Variants in RPL10L observed in about 807,000 individuals in gnomAD.
RPL10L encodes the protein ribosomal protein L10 like, also known as ribosomal protein uL16-like.
Under a neutral mutation model 10.2 loss-of-function variants are expected in RPL10L, and 11 were observed. That is an observed-to-expected ratio of 1.08 (90% CI 0.68 to 1.79). RPL10L has a LOEUF of 1.79. Among genes scored for constraint, RPL10L ranks in the 40% most tolerant of loss-of-function variants. The pLI is 0.00. For missense variants in RPL10L, 320 were observed against 289.8 expected, an observed-to-expected ratio of 1.10 and a Z score of -0.76; for synonymous variants, 120 against 101.7, an observed-to-expected ratio of 1.18 and a Z score of -1.08.
At position 46,651,496 on chromosome 14, in the gene RPL10L, C is replaced by T; in HGVS notation, c.241G>A (p.Gly81Ser). Residue 81 changes from glycine (G) to serine (S), a missense_variant, in exon 1 of 1, where the codon GGC (glycine) becomes AGC (serine). By Grantham distance (56) the Gly-to-Ser change is moderately conservative (BLOSUM62 0). Coordinates refer to ENST00000298283, the MANE Select transcript of RPL10L (RefSeq NM_080746.3). ...CANKYMVKSC[G>S]RDGFHMRVRL... Reference sequence around the variant, plus strand: ...ACTCGCATGTGAAAGCCATCTCTGCCACAACTTTTCACCATGTATTTGTTG... The same window carrying T: ...ACTCGCATGTGAAAGCCATCTCTGCTACAACTTTTCACCATGTATTTGTTG... The T allele has an allele frequency of 6.2e-7, 1 of 1,614,190 alleles. No homozygotes were observed. Among genetic ancestry groups the T allele is most frequent in the Non-Finnish European group, 8.5e-7 (1 of 1,180,032 alleles).
At position 46,651,747 on chromosome 14, in the gene RPL10L, T is replaced by C. The variant is rs189866041; in HGVS notation, c.-11A>G. The C allele has an allele frequency of 4.8e-4, 782 of 1,614,116 alleles. No individual in the cohort carries two copies. Among genetic ancestry groups the C allele is most frequent in the South Asian group, 8.1e-4 (74 of 91,082 alleles). On this transcript the variant is annotated 5_prime_UTR_variant, in exon 1 of 1. Transcript: ENST00000298283. ...TGGACGGCGCCCCATGGCGACACAG[T>C]AACGTCGGCGGTGCCTCGAAGTCAA...
Position 46,651,396 on chromosome 14 carries a change from CCT to C in RPL10L, c.339_340del (p.Gly114TyrfsTer36). The C allele has an allele frequency of 6.2e-7, 1 of 1,614,166 alleles. No individual in the cohort carries two copies. The highest frequency in any genetic ancestry group is 1.3e-5 in the African/African-American group (1 of 75,048). ...GGGTTTTCCAAAGGCACCTCGCATA[CCT>C]GTCTGGAGCCTGTCAGCCCCAGCAC... On this transcript the variant is annotated frameshift_variant, in exon 1 of 1. Transcript: ENST00000298283. LOFTEE classifies it high-confidence loss of function.
chr14:46,651,606 T>A lies in RPL10L; in HGVS notation c.131A>T (p.Asp44Val), dbSNP rs1200116910. The part of the protein sequence containing the change: ...FDLGRKKAKV[D>V]EFPLGGHMVS... ...CATGTGGCCACCGAGTGGGAACTCATCCACTTTTGCCTTCTTTCTACCCAG... is the reference window on the plus strand; with the variant it reads ...CATGTGGCCACCGAGTGGGAACTCAACCACTTTTGCCTTCTTTCTACCCAG... Residue 44 changes from aspartate to valine, a missense_variant, in exon 1 of 1, where the codon GAT becomes GTT. Physicochemically the swap from Asp to Val is radical, Grantham distance 152 (BLOSUM62 -3). Coordinates refer to ENST00000298283, the MANE Select transcript of RPL10L (RefSeq NM_080746.3). The A allele has an allele frequency of 8.7e-6, 14 of 1,614,026 alleles. No individual in the cohort carries two copies. The highest frequency in any genetic ancestry group is 1.3e-5 in the African/African-American group (1 of 74,918).
rs1883877877 is a variant in RPL10L at position 46,651,373 on chromosome 14, G to T, written c.364C>A (p.Pro122Thr). 6.2e-7 allele frequency: 1 copy of T among 1,614,126 alleles called. No homozygotes were observed. Among genetic ancestry groups the T allele is most frequent in the Middle Eastern group, 1.7e-4 (1 of 6,052 alleles). ...QTGMRGAFGK[P>T]QGTVARVHIG... is the part of the protein sequence containing the mutation. Reference sequence around the variant, plus strand: ...TGGACCCGGGCTACAGTACCCTGGGGTTTTCCAAAGGCACCTCGCATACCT... The same window carrying T: ...TGGACCCGGGCTACAGTACCCTGGGTTTTTCCAAAGGCACCTCGCATACCT... The change falls in exon 1 of 1, where the codon CCC becomes ACC. Residue 122 changes from proline (P) to threonine (T), a missense_variant. Transcript: ENST00000298283.
chr14:46,651,099 T>A lies in RPL10L; in HGVS notation c.638A>T (p.His213Leu). Residue 213 changes from histidine to leucine, a missense_variant, in exon 1 of 1, where the codon CAC becomes CTC. Transcript: ENST00000298283. ...ACAGTACTGCCAAAACCTTCATGAG[T>A]GCAGAACCCGCCACTTGTCCAAGGG... ...HGPLDKWRVL[H>L]S 1 of 1,613,566 alleles carries A rather than the reference T, an allele frequency of 6.2e-7. No homozygotes were observed. Among genetic ancestry groups the A allele is most frequent in the Non-Finnish European group, 8.5e-7 (1 of 1,179,668 alleles).
chr14:46,651,131 A>G lies in RPL10L; in HGVS notation c.606T>C (p.Ser202=). The change falls in exon 1 of 1, where the codon AGT becomes AGC. Residue 202 remains serine, a synonymous_variant. Coordinates refer to ENST00000298283, the MANE Select transcript of RPL10L (RefSeq NM_080746.3). ...CCCGCCACTTGTCCAAGGGGCCATG[A>G]CTGGGAACGTACTTGACTCCACAAC... The part of the protein sequence containing the change: ...PDGCGVKYVP[S]HGPLDKWRVL... 1 of 1,614,172 alleles carries G rather than the reference A, an allele frequency of 6.2e-7. No homozygotes were observed. Among genetic ancestry groups the G allele is most frequent in the South Asian group, 1.1e-5 (1 of 91,084 alleles).
At position 46,651,215 on chromosome 14, in the gene RPL10L, C is replaced by T; in HGVS notation, c.522G>A (p.Thr174=). The T allele has an allele frequency of 1.2e-6, 2 of 1,614,156 alleles. No individual in the cohort carries two copies. The highest frequency in any genetic ancestry group is 1.7e-6 in the Non-Finnish European group (2 of 1,180,026). Residue 174 remains threonine (T), a synonymous_variant, in exon 1 of 1, where the codon ACG becomes ACA. Transcript: ENST00000298283. ...CTTCAAATTCGTCAGCATTAAACTT[C>T]GTGAAGCCCCACTTCTTGGAGATAT... ...KIHISKKWGF[T]KFNADEFEDM...
chr14:46,651,130 G>A lies in RPL10L; in HGVS notation c.607C>T (p.His203Tyr), dbSNP rs748408115. The part of the protein sequence containing the change: ...DGCGVKYVPS[H>Y]GPLDKWRVLH... ...ACCCGCCACTTGTCCAAGGGGCCATGACTGGGAACGTACTTGACTCCACAA... is the reference window on the plus strand; with the variant it reads ...ACCCGCCACTTGTCCAAGGGGCCATAACTGGGAACGTACTTGACTCCACAA... The change falls in exon 1 of 1, where the codon CAT becomes TAT. Residue 203 changes from histidine (H) to tyrosine (Y), a missense_variant. Transcript: ENST00000298283. 4 of 1,614,154 alleles carry A rather than the reference G, an allele frequency of 2.5e-6. No individual in the cohort carries two copies. Among genetic ancestry groups the A allele is most frequent in the Non-Finnish European group, 3.4e-6 (4 of 1,180,018 alleles).
chr14:46,651,358 C>T lies in RPL10L; in HGVS notation c.379G>A (p.Ala127Thr). The change falls in exon 1 of 1, where the codon GCC (alanine) becomes ACC (threonine). Residue 127 changes from alanine (A) to threonine (T), a missense_variant. Transcript: ENST00000298283. ...ATGACTTGACCAATGTGGACCCGGG[C>T]TACAGTACCCTGGGGTTTTCCAAAG... ...GAFGKPQGTV[A>T]RVHIGQVIMS... is the part of the protein sequence containing the mutation. The T allele has an allele frequency of 1.2e-6, 2 of 1,614,122 alleles. No homozygotes were observed. Among genetic ancestry groups the T allele is most frequent in the South Asian group, 2.2e-5 (2 of 91,084 alleles).
Position 46,651,036 on chromosome 14 carries a change from A to G in RPL10L, c.*56T>C, listed in dbSNP as rs1883857669. 1.3e-6 allele frequency: 2 copies of G among 1,515,806 alleles called. No individual in the cohort carries two copies. Among genetic ancestry groups the G allele is most frequent in the Non-Finnish European group, 1.8e-6 (2 of 1,129,364 alleles). The allele number at this position is 1,515,806 out of a possible 1,614,324, so 93.9% of individuals were successfully genotyped here. A position where few individuals can be genotyped will look rare whatever the true frequency, so the allele number is the denominator to read the frequency against. ...TATTTTTTGCCAGTAAACAGAATTT[A>G]TTAGTAAGCATAAGTCAGACCAGCA... is the stretch of plus-strand genomic sequence containing the variant. On this transcript the variant is annotated 3_prime_UTR_variant, in exon 1 of 1. Coordinates refer to ENST00000298283, the MANE Select transcript of RPL10L (RefSeq NM_080746.3).
rs750325518 is a variant in RPL10L, at chr14:46,651,752, T to G, written c.-16A>C. 3 of 1,613,910 alleles carry G rather than the reference T, an allele frequency of 1.9e-6. No homozygotes were observed. The highest frequency in any genetic ancestry group is 2.5e-6 in the Non-Finnish European group (3 of 1,179,878). On this transcript the variant is annotated 5_prime_UTR_variant, in exon 1 of 1. Coordinates refer to ENST00000298283, the MANE Select transcript of RPL10L (RefSeq NM_080746.3). ...GGCGCCCCATGGCGACACAGTAACGTCGGCGGTGCCTCGAAGTCAAAATGC... is the reference window on the plus strand; with the variant it reads ...GGCGCCCCATGGCGACACAGTAACGGCGGCGGTGCCTCGAAGTCAAAATGC...
Position 46,651,041 on chromosome 14 carries a change from TAAG to T in RPL10L, c.*48_*50del, listed in dbSNP as rs1450418619. 6.6e-7 allele frequency: 1 copy of T among 1,517,084 alleles called. No homozygotes were observed. Among genetic ancestry groups the T allele is most frequent in the South Asian group, 1.3e-5 (1 of 74,240 alleles). The allele number at this position is 1,517,084 out of a possible 1,614,324, so 94.0% of individuals were successfully genotyped here. ...TTTGCCAGTAAACAGAATTTATTAG[TAAG>T]CATAAGTCAGACCAGCATGGCCCAA... On this transcript the variant is annotated 3_prime_UTR_variant, in exon 1 of 1. Transcript: ENST00000298283.
chr14:46,651,778 G>C lies in RPL10L; in HGVS notation c.-42C>G, dbSNP rs112520304. The C allele has an allele frequency of 6.8e-5, 109 of 1,612,036 alleles. No homozygotes were observed. The highest frequency in any genetic ancestry group is 8.8e-5 in the Non-Finnish European group (104 of 1,178,880). ...CGGCGGTGCCTCGAAGTCAAAATGC[G>C]CTCTCTTAACTACGCCTGCGCGCAT... On this transcript the variant is annotated 5_prime_UTR_variant, in exon 1 of 1. Coordinates refer to ENST00000298283, the MANE Select transcript of RPL10L (RefSeq NM_080746.3).
Position 46,651,254 on chromosome 14 carries a change from T to C in RPL10L, c.483A>G (p.Gly161=). ...ALRRAKFKFP[G]RQKIHISKKW... is the part of the protein sequence containing the mutation. ...TCTTGGAGATATGAATCTTCTGGCG[T>C]CCAGGGAACTTGAACTTGGCCCTGC... Residue 161 remains glycine (G), a synonymous_variant, in exon 1 of 1, where the codon GGA becomes GGG. Coordinates refer to ENST00000298283, the MANE Select transcript of RPL10L (RefSeq NM_080746.3). The C allele has an allele frequency of 6.2e-7, 1 of 1,614,198 alleles. No homozygotes were observed. Among genetic ancestry groups the C allele is most frequent in the Non-Finnish European group, 8.5e-7 (1 of 1,180,032 alleles).
In RPL10L at chr14:46,651,666, C is replaced by A. The variant is rs770905515; in HGVS notation, c.71G>T (p.Arg24Leu). ...GCGGATCTTGGCATCAGGAACCCCT[C>A]GGCAGAAACGAGATTTTGGGTACGG... ...NKPYPKSRFC[R>L]GVPDAKIRIF... The change falls in exon 1 of 1, where the codon CGA (arginine) becomes CTA (leucine). Residue 24 changes from arginine to leucine, a missense_variant. Arg to Leu is a moderately radical substitution (Grantham distance 102, BLOSUM62 -2). Transcript: ENST00000298283. 2.5e-6 allele frequency: 4 copies of A among 1,614,210 alleles called. No individual in the cohort carries two copies. Among genetic ancestry groups the A allele is most frequent in the Non-Finnish European group, 3.4e-6 (4 of 1,180,032 alleles).
Position 46,651,462 on chromosome 14 carries a change from T to C in RPL10L, c.275A>G (p.His92Arg), listed in dbSNP as rs1883884835. Residue 92 changes from histidine (H) to arginine (R), a missense_variant, in exon 1 of 1, where the codon CAT (histidine) becomes CGT (arginine). Coordinates refer to ENST00000298283, the MANE Select transcript of RPL10L (RefSeq NM_080746.3). ...GTTGATGCGGATGACATGGAAGGGA[T>C]GGAGCCGCACTCGCATGTGAAAGCC... Reference protein sequence around the residue: ...RDGFHMRVRLHPFHVIRINKM... With the variant: ...RDGFHMRVRLRPFHVIRINKM... 1.9e-6 allele frequency: 3 copies of C among 1,614,184 alleles called. No homozygotes were observed. Among genetic ancestry groups the C allele is most frequent in the Non-Finnish European group, 8.5e-7 (1 of 1,180,036 alleles).
rs1566652081 is a variant in RPL10L at position 46,651,212 on chromosome 14, C to A, written c.525G>T (p.Lys175Asn). ...TGTCTTCAAATTCGTCAGCATTAAA[C>A]TTCGTGAAGCCCCACTTCTTGGAGA... is the stretch of plus-strand genomic sequence containing the variant. ...IHISKKWGFTKFNADEFEDMV... is the reference protein window; with the variant it reads ...IHISKKWGFTNFNADEFEDMV... The change falls in exon 1 of 1, where the codon AAG (lysine) becomes AAT (asparagine). Residue 175 changes from lysine (K) to asparagine (N), a missense_variant. Coordinates refer to ENST00000298283, the MANE Select transcript of RPL10L (RefSeq NM_080746.3). 8 of 1,614,160 alleles carry A rather than the reference C, an allele frequency of 5.0e-6. No homozygotes were observed. The highest frequency in any genetic ancestry group is 6.8e-6 in the Non-Finnish European group (8 of 1,180,036).
chr14:46,651,076 A>G lies in RPL10L; in HGVS notation c.*16T>C. ...TCAGACCAGCATGGCCCAAGGAGAC[A>G]GTACTGCCAAAACCTTCATGAGTGC... On this transcript the variant is annotated 3_prime_UTR_variant, in exon 1 of 1. Coordinates refer to ENST00000298283, the MANE Select transcript of RPL10L (RefSeq NM_080746.3). The G allele has an allele frequency of 6.2e-7, 1 of 1,607,108 alleles. No individual in the cohort carries two copies. The highest frequency in any genetic ancestry group is 1.3e-5 in the African/African-American group (1 of 74,820).
Position 46,651,687 on chromosome 14 carries a change from T to C in RPL10L, c.50A>G (p.Tyr17Cys), listed in dbSNP as rs761909219. Residue 17 changes from tyrosine to cysteine, a missense_variant, in exon 1 of 1, where the codon TAC (tyrosine) becomes TGC (cysteine). Tyr to Cys is a radical substitution (Grantham distance 194, BLOSUM62 -2). Transcript: ENST00000298283. ...CCCTCGGCAGAAACGAGATTTTGGGTACGGCTTGTTCTTACAATACCGGTA... is the reference window on the plus strand; with the variant it reads ...CCCTCGGCAGAAACGAGATTTTGGGCACGGCTTGTTCTTACAATACCGGTA... ...RCYRYCKNKP[Y>C]PKSRFCRGVP... The C allele has an allele frequency of 3.7e-6, 6 of 1,614,232 alleles. No individual in the cohort carries two copies. The highest frequency in any genetic ancestry group is 3.4e-6 in the Non-Finnish European group (4 of 1,180,038).
Sources: allele counts gnomAD v4.1 joint callset, GRCh38; gene constraint gnomAD v4.1.1; transcripts MANE v1.5; gene names NCBI Gene and HGNC (gene_info 2026-07-23, HGNC 2026-07-21).